Variants in AGBL1 observed in about 807,000 individuals in gnomAD.
AGBL1 encodes AGBL carboxypeptidase 1.
A neutral mutation model predicts 118.9 loss-of-function variants in AGBL1; 130 were observed. That is an observed-to-expected ratio of 1.09 (90% CI 0.95 to 1.26). AGBL1 has a LOEUF of 1.26. Ranked by LOEUF, AGBL1 falls within the 50% of genes most tolerant of loss-of-function variation. The probability of loss-of-function intolerance (pLI) is 0.00; values close to 1 mark genes in which losing one functional copy is unlikely to be tolerated. For synonymous variants in AGBL1, 555 were observed against 478.9 expected (o/e 1.16, Z -2.08); for missense variants, 1,584 against 1,298.1 (o/e 1.22, Z -3.38).
chr15:86,652,028 A>G (rs1391404391), intron 21 of AGBL1, among the ~76,000 whole-genome samples: 1 of 152,132 alleles, frequency 6.6e-6, no homozygotes, highest in Non-Finnish European at 1.5e-5. Flanking sequence ...GAAGCCTTCC[A>G]TTGTCTGAGA....
At chr15:86,642,960 A>G (rs1161704867) in intron 21 of AGBL1, among the ~76,000 whole-genome samples, 3 of 152,210 alleles carry the variant, frequency 2.0e-5, no homozygotes, top group African/African-American at 7.2e-5. Context: ...GTAAATAGGT[A>G]GAGCGAGTTT....
chr15:86,221,497 A>G (rs551019234), intron 5 of AGBL1, among the ~76,000 whole-genome samples: 5 of 152,286 alleles, frequency 3.3e-5, no homozygotes, highest in South Asian at 4.1e-4. Context: ...TTCTTTCTTC[A>G]TGCTTCGCTG....
chr15:86,420,524 T>G (rs1304056455), intron 18 of AGBL1, among the ~76,000 whole-genome samples: 1 of 152,064 alleles, frequency 6.6e-6, no homozygotes, highest in Non-Finnish European at 1.5e-5. Flanking sequence ...TGTCCAAAAA[T>G]GCTGAAAATT....
intron 22 of AGBL1, among the ~76,000 whole-genome samples, chr15:86,771,590 C>A (rs1363026136): frequency 6.6e-6 from 1 of 151,826 alleles, no homozygotes; most frequent in Non-Finnish European, 1.5e-5. Context: ...TTTAGTATAC[C>A]AATGCAGTAC....
chr15:86,981,587 C>T (rs753245900), intron 23 of AGBL1, among the ~76,000 whole-genome samples: 3 of 152,086 alleles, frequency 2.0e-5, no homozygotes, highest in South Asian at 2.1e-4. Context: ...TAGTATAAAC[C>T]TTTGACATAG....
At chr15:86,125,391 T>C (rs1898357513) in intron 1 of AGBL1, among the ~76,000 whole-genome samples, 1 of 152,306 alleles carries the variant, frequency 6.6e-6, no homozygotes, top group Non-Finnish European at 1.5e-5. Flanking sequence ...TCTCATTCAC[T>C]GAATTCAGTT....
intron 1 of AGBL1, among the ~76,000 whole-genome samples, chr15:86,088,843 C>G (rs150791036): frequency 3.2e-3 from 492 of 152,244 alleles, no homozygotes; most frequent in African/African-American, 0.011. Context: ...TCACTGTATG[C>G]CCCACCTCTC....
intron 22 of AGBL1, among the ~76,000 whole-genome samples, chr15:86,843,718 T>G (rs907191227): frequency 2.0e-5 from 3 of 152,228 alleles, no homozygotes; most frequent in Admixed American, 2.0e-4. Flanking sequence ...CTGAAGATTT[T>G]TTTTAGCTTT....
At chr15:86,722,879 T>A (rs1166188469) in intron 22 of AGBL1, among the ~76,000 whole-genome samples, 1 of 152,172 alleles carries the variant, frequency 6.6e-6, no homozygotes, top group Middle Eastern at 3.2e-3. Context: ...AAGACATTTA[T>A]GCAGCCAAAA....
intron 24 of AGBL1, among the ~76,000 whole-genome samples, chr15:86,997,983 T>C (rs2081395883): frequency 6.6e-6 from 1 of 151,970 alleles, no homozygotes; most frequent in South Asian, 2.1e-4. Flanking sequence ...ATACTTTACA[T>C]GTTCTGTGTA....
intron 1 of AGBL1, 28 bp downstream of exon 1, chr15:86,080,051 C>T (rs1597368196): frequency 4.1e-6 from 5 of 1,232,022 alleles, no homozygotes; most frequent in African/African-American, 3.1e-5. Context: ...GGGTGCAGAA[C>T]CCGGCGGGCT....
At chr15:86,484,160 A>G (rs2082686234) in intron 18 of AGBL1, among the ~76,000 whole-genome samples, 2 of 152,122 alleles carry the variant, frequency 1.3e-5, no homozygotes, top group Admixed American at 6.6e-5. Flanking sequence ...GAGGAAGTAT[A>G]CTTTCTCTCC....
intron 18 of AGBL1, among the ~76,000 whole-genome samples, chr15:86,420,617 C>T (rs555055213): frequency 7.2e-5 from 11 of 152,238 alleles, no homozygotes; most frequent in South Asian, 2.1e-4. Context: ...ATGGGTTTGA[C>T]GAATTAACAG....
intron 21 of AGBL1, among the ~76,000 whole-genome samples, chr15:86,605,745 C>G (rs2084566194): frequency 7.8e-6 from 1 of 128,698 alleles, no homozygotes; most frequent in Admixed American, 7.9e-5. Flanking sequence ...TGGACTCAGG[C>G]TGTATGTGAG....
intron 7 of AGBL1, among the ~76,000 whole-genome samples, chr15:86,256,489 T>G (rs1001699334): frequency 1.3e-5 from 2 of 152,218 alleles, no homozygotes; most frequent in Non-Finnish European, 2.9e-5. Context: ...GACACATGGG[T>G]GGCTGAGAAA....
At chr15:86,537,571 G>A (rs1235583199) in intron 19 of AGBL1, among the ~76,000 whole-genome samples, 1 of 152,232 alleles carries the variant, frequency 6.6e-6, no homozygotes, top group African/African-American at 2.4e-5. Flanking sequence ...GCCAGAGATG[G>A]AGAGTGGAAA....
chr15:86,196,123 T>C (rs2077797991), intron 5 of AGBL1, among the ~76,000 whole-genome samples: 1 of 152,240 alleles, frequency 6.6e-6, no homozygotes, highest in African/African-American at 2.4e-5. Context: ...AGATCTACTT[T>C]AAATATTTCA....
chr15:86,968,601 A>G (rs772139208), intron 23 of AGBL1, among the ~76,000 whole-genome samples: 19 of 151,928 alleles, frequency 1.3e-4, no homozygotes, highest in Non-Finnish European at 2.4e-4. Context: ...TCTGATTTTC[A>G]TCTTACCCTG....
chr15:86,601,674 GA>G (rs1267831969), intron 21 of AGBL1, among the ~76,000 whole-genome samples: 1 of 152,184 alleles, frequency 6.6e-6, no homozygotes, highest in Non-Finnish European at 1.5e-5. Flanking sequence ...AGGACAAAGG[GA>G]AAGAAAAGGA....
Sources: gnomAD v4.1 joint callset for allele counts (sites outside exome capture counted in the v4.1 genomes callset) on GRCh38, gnomAD v4.1.1 for gene constraint, MANE v1.5 for transcripts, NCBI Gene and HGNC (gene_info 2026-07-23, HGNC 2026-07-21) for gene names.